SETMAR: variants seen among roughly 807,000 people sequenced by gnomAD.
The protein encoded by SETMAR is histone-lysine N-methyltransferase SETMAR.
In SETMAR, 44 loss-of-function variants were observed where a neutral mutation model predicts 58.4. The observed-to-expected ratio is 0.75, with a 90% CI of 0.59 to 0.97. The LOEUF is 0.97. SETMAR is among the 50% of genes least tolerant of loss of function. SETMAR has a pLI of 0.00. For synonymous variants in SETMAR, 332 were observed against 307.4 expected (o/e 1.08, Z -0.84); for missense variants, 903 against 840.2 (o/e 1.07, Z -0.92).
In SETMAR at chr3:4,313,569, A is replaced by T. The variant is rs1221472662; in HGVS notation, c.828A>T (p.Glu276Asp). The change falls in exon 2 of 3, where the codon GAA (glutamate) becomes GAT (aspartate). Residue 276 changes from glutamate (E) to aspartate (D), a missense_variant. Transcript: ENST00000358065. ...ATCTAACAGTCAGTGAAGACAAAGA[A>T]AGGCTAGATCATGGGAAACTAAGGA... The part of the protein sequence containing the change: ...YLNLTVSEDK[E>D]RLDHGKLRKP... 5.6e-6 allele frequency: 9 copies of T among 1,614,110 alleles called. No homozygotes were observed. The highest frequency in any genetic ancestry group is 7.6e-6 in the Non-Finnish European group (9 of 1,179,988).
In SETMAR at chr3:4,311,552, T is replaced by C. The variant is rs77497123; in HGVS notation, c.157-1346T>C. 4.6e-3 allele frequency among the ~76,000 whole-genome samples: 695 copies of C among 152,306 alleles called. 7 individuals are homozygous for C. The highest frequency in any genetic ancestry group is 0.016 in the African/African-American group (669 of 41,570). Reference sequence around the variant, plus strand: ...ACACATTGGTGGAATTCCTTCCTGGTATCAGTACTGAAAAAAGTCAATGCC... The same window carrying C: ...ACACATTGGTGGAATTCCTTCCTGGCATCAGTACTGAAAAAAGTCAATGCC... On this transcript the variant is annotated intron_variant, in intron 1 of 2. Transcript: ENST00000358065.
rs1698688220 is a variant in SETMAR, at chr3:4,316,994, G to C, written c.1803G>C (p.Lys601Asn). The C allele has an allele frequency of 6.5e-7, 1 of 1,549,228 alleles. No individual in the cohort carries two copies. The highest frequency in any genetic ancestry group is 1.2e-5 in the South Asian group (1 of 83,966). Residue 601 changes from lysine (K) to asparagine (N), a missense_variant, in exon 3 of 3, where the codon AAG becomes AAC. Transcript: ENST00000358065. ...ATGTTGCACAACCCACACTTCAAAA[G>C]TTGAATGAATTGGGCTATGAAGTTT... ...RPHVAQPTLQ[K>N]LNELGYEVLP...
chr3:4,315,369 G>A (rs1698594559), intron 2 of SETMAR, among the ~76,000 whole-genome samples: 1 of 152,168 alleles, frequency 6.6e-6, no homozygotes, highest in Admixed American at 6.5e-5. Context: ...CCTTTTCTAT[G>A]TCCTTTTGCC....
chr3:4,314,828 A>G (rs1192429909), intron 2 of SETMAR, among the ~76,000 whole-genome samples: 2 of 152,214 alleles, frequency 1.3e-5, no homozygotes, highest in Non-Finnish European at 2.9e-5. Context: ...TAATTACTAG[A>G]GCCCCTATGA....
chr3:4,312,990 C>T lies in SETMAR; in HGVS notation c.249C>T (p.Leu83=), dbSNP rs749526346. The T allele has an allele frequency of 1.2e-6, 2 of 1,614,062 alleles. No homozygotes were observed. The highest frequency in any genetic ancestry group is 1.7e-6 in the Non-Finnish European group (2 of 1,179,962). ...GCATTTGTGTCAAAACTCCCTGCCTCCCTGGCACTTGCTCCTGTCTCCGCC... is the reference window on the plus strand; with the variant it reads ...GCATTTGTGTCAAAACTCCCTGCCTTCCTGGCACTTGCTCCTGTCTCCGCC... ...PGCICVKTPC[L]PGTCSCLRHG... is the part of the protein sequence containing the mutation. Residue 83 remains leucine, a synonymous_variant, in exon 2 of 3, where the codon CTC becomes CTT. Coordinates refer to ENST00000358065, the MANE Select transcript of SETMAR (RefSeq NM_006515.4).
At chr3:4,304,031 C>T (rs1698072740) in intron 1 of SETMAR, 1 of 244,610 alleles carries the variant, frequency 4.1e-6, no homozygotes, top group African/African-American at 2.3e-5. Flanking sequence ...TACAGTGGAA[C>T]AGTACCTCTC....
At chr3:4,308,984 T>G (rs1042892069) in intron 1 of SETMAR, among the ~76,000 whole-genome samples, 3 of 152,180 alleles carry the variant, frequency 2.0e-5, no homozygotes, top group Non-Finnish European at 4.4e-5. Flanking sequence ...TAGGGAGACA[T>G]GAGACAACAG....
At chr3:4,315,473 A>G (rs1158993060) in intron 2 of SETMAR, among the ~76,000 whole-genome samples, 1 of 152,192 alleles carries the variant, frequency 6.6e-6, no homozygotes, top group Non-Finnish European at 1.5e-5. Flanking sequence ...TGCCTCTGCC[A>G]GAGACAACTG....
rs1222456395 is a variant in SETMAR at position 4,316,785 on chromosome 3, A to G, written c.1594A>G (p.Met532Val). The G allele has an allele frequency of 1.5e-5, 23 of 1,550,706 alleles. No individual in the cohort carries two copies. The highest frequency in any genetic ancestry group is 2.0e-5 in the Non-Finnish European group (23 of 1,146,754). Residue 532 changes from methionine (M) to valine (V), a missense_variant, in exon 3 of 3, where the codon ATG becomes GTG. Coordinates refer to ENST00000358065, the MANE Select transcript of SETMAR (RefSeq NM_006515.4). ...GCCAATCTTGCACCCAAAAAAGGTC[A>G]TGGTCACTATTTGGTGGTCTGCTGC... ...PKPILHPKKV[M>V]VTIWWSAAGL... is the part of the protein sequence containing the mutation.
intron 1 of SETMAR, 56 bp downstream of exon 1, chr3:4,303,582 T>C: frequency 7.5e-7 from 1 of 1,335,868 alleles, no homozygotes; most frequent in Non-Finnish European, 9.6e-7. Context: ...CCACGTGGTC[T>C]CCTCAAGCCG....
intron 2 of SETMAR, 109 bp from the exon 3 acceptor site, chr3:4,316,103 G>T: frequency 1.4e-5 from 7 of 485,414 alleles, no homozygotes; most frequent in African/African-American, 2.0e-5. Flanking sequence ...TTTGGTATTT[G>T]ATATTGGAAT....
At chr3:4,305,505 CTTG>C (rs1433068518) in intron 1 of SETMAR, among the ~76,000 whole-genome samples, 1 of 152,108 alleles carries the variant, frequency 6.6e-6, no homozygotes, top group African/African-American at 2.4e-5. Flanking sequence ...TGATTATCTC[CTTG>C]TTGTGGAAAG....
chr3:4,315,592 C>A (rs1247785501), intron 2 of SETMAR, among the ~76,000 whole-genome samples: 3 of 152,060 alleles, frequency 2.0e-5, no homozygotes, highest in East Asian at 3.8e-4. Flanking sequence ...GTCTTTATTC[C>A]AAGTCTTTTC....
In SETMAR at chr3:4,313,767, T is replaced by C; in HGVS notation, c.1020+6T>C. The C allele has an allele frequency of 6.2e-7, 1 of 1,613,934 alleles. No individual in the cohort carries two copies. Among genetic ancestry groups the C allele is most frequent in the Non-Finnish European group, 8.5e-7 (1 of 1,179,912 alleles). ...GCAAGCGATTGACCCTTGAGGTGAG[T>C]CTGTTCAGTGATAAGCAGCTTGCCC... On this transcript the variant is annotated splice_donor_region_variant and intron_variant, in intron 2 of 2. Coordinates refer to ENST00000358065, the MANE Select transcript of SETMAR (RefSeq NM_006515.4).
chr3:4,314,724 G>T (rs1271776856), intron 2 of SETMAR, among the ~76,000 whole-genome samples: 1 of 152,166 alleles, frequency 6.6e-6, no homozygotes, highest in Non-Finnish European at 1.5e-5. Flanking sequence ...TAAACTTCTA[G>T]AGCAGCAAAC....
chr3:4,305,215 A>G (rs1698142801), intron 1 of SETMAR, among the ~76,000 whole-genome samples: 1 of 152,078 alleles, frequency 6.6e-6, no homozygotes, highest in South Asian at 2.1e-4. Flanking sequence ...CTTCCCGAGT[A>G]GCTGGAATTA....
chr3:4,307,875 C>G (rs188748219), intron 1 of SETMAR, among the ~76,000 whole-genome samples: 1 of 152,210 alleles, frequency 6.6e-6, no homozygotes, highest in Admixed American at 6.5e-5. Flanking sequence ...GAGACCCCAT[C>G]TCTACAAAAA....
chr3:4,315,936 A>G (rs1698619748), intron 2 of SETMAR, among the ~76,000 whole-genome samples: 1 of 151,360 alleles, frequency 6.6e-6, no homozygotes. Context: ...AGTCCCAGCT[A>G]CTCAGGAGGC....
chr3:4,316,498 T>A lies in SETMAR; in HGVS notation c.1307T>A (p.Leu436His), dbSNP rs772683701. 3.8e-6 allele frequency: 6 copies of A among 1,599,760 alleles called. No individual in the cohort carries two copies. Among genetic ancestry groups the A allele is most frequent in the Admixed American group, 1.7e-5 (1 of 58,790 alleles). Residue 436 changes from leucine to histidine, a missense_variant, in exon 3 of 3, where the codon CTC becomes CAC. Physicochemically the swap from Leu to His is moderately conservative, Grantham distance 99 (BLOSUM62 -3). Transcript: ENST00000358065. ...ACTACACGAGAAGTTGCTGAAGAAC[T>A]CAATGTCAACCATTCTACGGTCGTT... ...LTTTREVAEE[L>H]NVNHSTVVRH...
Sources: allele counts gnomAD v4.1 joint callset (sites outside exome capture counted in the v4.1 genomes callset), GRCh38; gene constraint gnomAD v4.1.1; transcripts MANE v1.5; gene names NCBI Gene and HGNC (gene_info 2026-07-23, HGNC 2026-07-21).